Variants in TNR observed in about 807,000 individuals in gnomAD.
TNR encodes tenascin-R.
In TNR, 45 loss-of-function variants were observed where a neutral mutation model predicts 150.4. The ratio of observed to expected loss-of-function variants is 0.30; its 90% CI spans 0.24 to 0.38. TNR has a LOEUF of 0.38. Ranked by LOEUF, TNR falls within the 10% of genes least tolerant of loss-of-function variation. TNR has a pLI of 1.00. For missense variants in TNR, 1,544 were observed against 1,759.1 expected (o/e 0.88, Z 2.19); for synonymous variants, 687 against 678.4 (o/e 1.01, Z -0.20).
chr1:175,426,017 G>T (rs1271353345), intron 2 of TNR, among the ~76,000 whole-genome samples: 3 of 152,178 alleles, frequency 2.0e-5, no homozygotes, highest in African/African-American at 7.2e-5. Context: ...CCTCCATGCT[G>T]TTGTTGGGTC....
intron 1 of TNR, among the ~76,000 whole-genome samples, chr1:175,678,212 G>A (rs4652102): frequency 0.54 from 81,083 of 151,400 alleles, 22,438 homozygotes; most frequent in East Asian, 0.67. Flanking sequence ...GGGAGGTGGC[G>A]TTGAGTACCC....
intron 1 of TNR, among the ~76,000 whole-genome samples, chr1:175,547,375 C>T (rs1369656868): frequency 6.6e-6 from 1 of 152,164 alleles, no homozygotes; most frequent in African/African-American, 2.4e-5. Flanking sequence ...CTTTGAGCTT[C>T]TATAATCTTT....
At chr1:175,500,833 T>C (rs1303524572) in intron 2 of TNR, among the ~76,000 whole-genome samples, 1 of 152,202 alleles carries the variant, frequency 6.6e-6, no homozygotes, top group Non-Finnish European at 1.5e-5. Flanking sequence ...TTTCCCCTTT[T>C]AGCAGTTGTG....
intron 1 of TNR, among the ~76,000 whole-genome samples, chr1:175,664,597 T>C (rs1665474469): frequency 6.6e-6 from 1 of 152,210 alleles, no homozygotes; most frequent in Non-Finnish European, 1.5e-5. Context: ...GTGTGAGTCT[T>C]CTATTTTCTA....
intron 2 of TNR, among the ~76,000 whole-genome samples, chr1:175,463,920 T>C (rs1220464625): frequency 6.6e-6 from 1 of 152,232 alleles, no homozygotes; most frequent in Non-Finnish European, 1.5e-5. Context: ...ATTATCTGCT[T>C]TATGTATATA....
chr1:175,544,424 A>C (rs1006982905), intron 1 of TNR, among the ~76,000 whole-genome samples: 1 of 152,216 alleles, frequency 6.6e-6, no homozygotes, highest in Non-Finnish European at 1.5e-5. Flanking sequence ...GGAACAATTA[A>C]GCCTTCTCAG....
At chr1:175,716,406 T>C (rs1433444752) in intron 1 of TNR, among the ~76,000 whole-genome samples, 1 of 152,230 alleles carries the variant, frequency 6.6e-6, no homozygotes, top group African/African-American at 2.4e-5. Context: ...TGTTTTCTCA[T>C]TCCTGTGAAG....
At chr1:175,460,243 A>G (rs1246290756) in intron 2 of TNR, among the ~76,000 whole-genome samples, 1 of 152,128 alleles carries the variant, frequency 6.6e-6, no homozygotes, top group African/African-American at 2.4e-5. Flanking sequence ...ACACGTGCCC[A>G]AGGTAGAGTG....
chr1:175,491,603 A>G (rs1658251423), intron 2 of TNR, among the ~76,000 whole-genome samples: 1 of 151,210 alleles, frequency 6.6e-6, no homozygotes. Context: ...ACCATAGCAC[A>G]AGCATCTGTG....
chr1:175,662,797 A>G (rs1188111964), intron 1 of TNR, among the ~76,000 whole-genome samples: 1 of 152,198 alleles, frequency 6.6e-6, no homozygotes, highest in Non-Finnish European at 1.5e-5. Flanking sequence ...GGTTTCCCTC[A>G]GGTTGGGGGT....
chr1:175,379,388 G>A (rs1005664448), intron 9 of TNR, among the ~76,000 whole-genome samples, 164 bp downstream of exon 9: 2 of 152,162 alleles, frequency 1.3e-5, no homozygotes, highest in African/African-American at 4.8e-5. Context: ...CTTAGAACAG[G>A]TGATGGCAGT....
chr1:175,598,526 C>T (rs1290034635), intron 1 of TNR, among the ~76,000 whole-genome samples: 2 of 152,260 alleles, frequency 1.3e-5, no homozygotes, highest in African/African-American at 2.4e-5. Context: ...AAGCCTTGGA[C>T]GTGGGCATGA....
At position 175,545,440 on chromosome 1, in the gene TNR, T is replaced by C. The variant is rs1660649013; in HGVS notation, c.-164-17071A>G. On this transcript the variant is annotated intron_variant, in intron 1 of 22. Transcript: ENST00000367674. The stretch of plus-strand genomic sequence containing the variant: ...AGAGAGAAACAGCTTAAGATGGAAA[T>C]AGAGCATGAATAAAACTATTCAGTT... Among the ~76,000 whole-genome samples the C allele has an allele frequency of 2.0e-5, 3 of 152,184 alleles. 1 individual carries two copies. Among genetic ancestry groups the C allele is most frequent in the Middle Eastern group, 6.8e-3 (2 of 294 alleles).
chr1:175,336,986 A>C (rs1255536454), intron 19 of TNR, among the ~76,000 whole-genome samples: 1 of 152,158 alleles, frequency 6.6e-6, no homozygotes, highest in Non-Finnish European at 1.5e-5. Context: ...TCCGCCTCCC[A>C]GGTTCAAGTG....
At chr1:175,555,091 G>A (rs1661099524) in intron 1 of TNR, among the ~76,000 whole-genome samples, 1 of 152,154 alleles carries the variant, frequency 6.6e-6, no homozygotes. Flanking sequence ...GGTGCTGCAA[G>A]CTCAAGAAAG....
intron 2 of TNR, among the ~76,000 whole-genome samples, chr1:175,487,869 A>C (rs1444873506): frequency 6.6e-6 from 1 of 152,176 alleles, no homozygotes; most frequent in Admixed American, 6.5e-5. Flanking sequence ...CTGATCACTT[A>C]TCAGGAATTT....
chr1:175,371,770 C>T (rs1385283908), intron 9 of TNR, among the ~76,000 whole-genome samples: 1 of 152,174 alleles, frequency 6.6e-6, no homozygotes, highest in Non-Finnish European at 1.5e-5. Context: ...AAAACTGATA[C>T]ATGATACAAC....
At chr1:175,419,853 C>T (rs547685094) in intron 2 of TNR, among the ~76,000 whole-genome samples, 15 of 152,282 alleles carry the variant, frequency 9.9e-5, no homozygotes, top group African/African-American at 3.6e-4. Flanking sequence ...TTGCAGTGCA[C>T]TGCTGTGTGG....
chr1:175,365,981 G>A lies in TNR; in HGVS notation c.2211C>T (p.Thr737=). Residue 737 remains threonine (T), a synonymous_variant, in exon 11 of 23, where the codon ACC becomes ACT. Transcript: ENST00000367674. ...ASEVTVPKDR[T]SYTLTDLEPG... is the part of the protein sequence containing the mutation. ...GCTCTAGATCTGTTAGTGTGTATGA[G>A]GTCCTGTCCTTGGGTACGGTGACTT... 1 of 1,614,158 alleles carries A rather than the reference G, an allele frequency of 6.2e-7. No individual in the cohort carries two copies. The highest frequency in any genetic ancestry group is 1.1e-5 in the South Asian group (1 of 91,072).
Sources: gnomAD v4.1 joint callset for allele counts (sites outside exome capture counted in the v4.1 genomes callset) on GRCh38, gnomAD v4.1.1 for gene constraint, MANE v1.5 for transcripts, NCBI Gene and HGNC (gene_info 2026-07-23, HGNC 2026-07-21) for gene names.